ZNF850: variants seen among roughly 807,000 people sequenced by gnomAD.
ZNF850 encodes the protein putative zinc finger protein ENSP00000330994.
Under a neutral mutation model 11.9 loss-of-function variants are expected in ZNF850, and 2 were observed. The ratio of observed to expected loss-of-function variants is 0.17; its 90% CI spans 0.07 to 0.53. The LOEUF is 0.53. Ranked by LOEUF, ZNF850 falls within the 20% of genes least tolerant of loss-of-function variation. The probability of loss-of-function intolerance (pLI) is 0.94; values close to 1 mark genes in which losing one functional copy is unlikely to be tolerated. For missense variants in ZNF850, 1,014 were observed against 1,316.4 expected (o/e 0.77, Z 3.55); for synonymous variants, 381 against 443.0 (o/e 0.86, Z 1.76).
Position 36,748,597 on chromosome 19 carries a change from A to G in ZNF850, c.2443T>C (p.Cys815Arg). The change falls in exon 5 of 5, where the codon TGC becomes CGC. Residue 815 changes from cysteine (C) to arginine (R), a missense_variant. Around this residue, in one of 2 missense-constraint regions of ZNF850, gnomAD observed 835 missense variants for 1,022.0 expected, o/e 0.82. Transcript: ENST00000591344. ...GTAAAAGATTTCCCACATTCCTTGC[A>G]ATGATAAGGTTTCTCACCAGTGTGA... ...PLHTGEKPYH[C>R]KECGKSFTLR... 1 of 1,537,134 alleles carries G rather than the reference A, an allele frequency of 6.5e-7. No homozygotes were observed. Among genetic ancestry groups the G allele is most frequent in the Non-Finnish European group, 8.7e-7 (1 of 1,146,916 alleles).
intron 4 of ZNF850, among the ~76,000 whole-genome samples, chr19:36,755,313 C>T (rs997581890): frequency 6.6e-6 from 1 of 152,130 alleles, no homozygotes; most frequent in Non-Finnish European, 1.5e-5. Context: ...CTGCAACCTC[C>T]ACCTCCCAGG....
rs1294523512 is a variant in ZNF850, at chr19:36,750,705, A to G, written c.335T>C (p.Leu112Pro). Residue 112 changes from leucine (L) to proline (P), a missense_variant, in exon 5 of 5, where the codon CTT becomes CCT. Leu to Pro is a moderately conservative substitution (Grantham distance 98). Coordinates refer to ENST00000591344, the MANE Select transcript of ZNF850 (RefSeq NM_001193552.2). The part of the protein sequence containing the change: ...QWVRMEKCHS[L>P]VGSSVRDDWE... ...GTCATCTCTGACACTGGAGCCCACA[A>G]GGCTATGACATTTTTCCATTCTCAC... 6.5e-7 allele frequency: 1 copy of G among 1,536,126 alleles called. No homozygotes were observed. The highest frequency in any genetic ancestry group is 8.7e-7 in the Non-Finnish European group (1 of 1,146,962).
chr19:36,767,328 G>A (rs1042621314), intron 1 of ZNF850, among the ~76,000 whole-genome samples: 1 of 151,820 alleles, frequency 6.6e-6, no homozygotes, highest in Non-Finnish European at 1.5e-5. Context: ...AGGCTGAGGC[G>A]GGCAGATGAC....
Position 36,750,739 on chromosome 19 carries a change from A to G in ZNF850, c.301T>C (p.Ser101Pro). The stretch of plus-strand genomic sequence containing the variant: ...CATTTTTCCATTCTCACCCACTGAG[A>G]TGATGTTACTTCATAGATTTCTTTT... ...LPKEIYEVTS[S>P]QWVRMEKCHS... is the part of the protein sequence containing the mutation. The change falls in exon 5 of 5, where the codon TCT becomes CCT. Residue 101 changes from serine (S) to proline (P), a missense_variant. Ser to Pro is a moderately conservative substitution (Grantham distance 74). Transcript: ENST00000591344. 1 of 1,534,802 alleles carries G rather than the reference A, an allele frequency of 6.5e-7. No homozygotes were observed. Among genetic ancestry groups the G allele is most frequent in the Non-Finnish European group, 8.7e-7 (1 of 1,146,006 alleles).
At chr19:36,770,703 CAAAAAAA>C (rs567709722) in intron 1 of ZNF850, among the ~76,000 whole-genome samples, 362 of 66,224 alleles carry the variant, frequency 5.5e-3, no homozygotes, top group Non-Finnish European at 9.1e-3. Context: ...GAGACTCCAT[CAAAAAAA>C]AAAAAAAAAA....
intron 4 of ZNF850, among the ~76,000 whole-genome samples, chr19:36,757,377 A>G (rs2040492571): frequency 6.6e-6 from 1 of 152,136 alleles, no homozygotes; most frequent in Non-Finnish European, 1.5e-5. Context: ...ATGTTTTACC[A>G]TAATTATAAA....
chr19:36,762,341 C>T lies in ZNF850; in HGVS notation c.103G>A (p.Val35Ile), dbSNP rs1345425147. Residue 35 changes from valine to isoleucine, a missense_variant, in exon 3 of 5, where the codon GTA becomes ATA. Coordinates refer to ENST00000591344, the MANE Select transcript of ZNF850 (RefSeq NM_001193552.2). ...AGGCTGCTGTAGTTCTCCATCATTA[C>T]ATCTCTGTATAAGTCCTTCTGAGCA... is the stretch of plus-strand genomic sequence containing the variant. ...DAAQKDLYRDVMMENYSSLVS... is the reference protein window; with the variant it reads ...DAAQKDLYRDIMMENYSSLVS... The T allele has an allele frequency of 1.9e-6, 3 of 1,587,218 alleles. No homozygotes were observed. Among genetic ancestry groups the T allele is most frequent in the South Asian group, 1.1e-5 (1 of 88,964 alleles).
intron 1 of ZNF850, among the ~76,000 whole-genome samples, chr19:36,769,341 C>T (rs2040568445): frequency 2.0e-5 from 3 of 151,162 alleles, no homozygotes; most frequent in Non-Finnish European, 4.4e-5. Flanking sequence ...CAGCTCAGGC[C>T]TGTAATCCTA....
At chr19:36,758,940 G>A (rs2040502659) in intron 4 of ZNF850, among the ~76,000 whole-genome samples, 2 of 152,030 alleles carry the variant, frequency 1.3e-5, no homozygotes, top group African/African-American at 4.8e-5. Context: ...AAAATTAGCT[G>A]GGTGTGGTGG....
chr19:36,771,998 ACTCT>A (rs757463418), intron 1 of ZNF850, among the ~76,000 whole-genome samples: 16 of 151,732 alleles, frequency 1.1e-4, no homozygotes, highest in African/African-American at 3.6e-4. Context: ...AGAGCCGCCA[ACTCT>A]CTCTCTTTCT....
chr19:36,757,503 C>CTTTTTTTTTTTTTTTTTT (rs57226971), intron 4 of ZNF850, among the ~76,000 whole-genome samples: 1 of 97,398 alleles, frequency 1.0e-5, no homozygotes, highest in African/African-American at 3.9e-5. Context: ...AATATAGTTT[C>CTTTTTTTTTTTTTTTTTT]TTTTTTTTTT....
chr19:36,751,417 G>C (rs2040453291), intron 4 of ZNF850, among the ~76,000 whole-genome samples: 1 of 151,982 alleles, frequency 6.6e-6, no homozygotes, highest in Admixed American at 6.6e-5. Context: ...AAAAGCTAAG[G>C]AGGCCAGGCA....
chr19:36,751,159 A>C (rs35935605), intron 4 of ZNF850, among the ~76,000 whole-genome samples: 5,992 of 151,484 alleles, frequency 0.04, 153 homozygotes, highest in Non-Finnish European at 0.057. Context: ...ACAGTATTTT[A>C]TCTCTGTGAT....
chr19:36,764,718 C>T (rs2040539246), intron 1 of ZNF850, among the ~76,000 whole-genome samples: 1 of 147,152 alleles, frequency 6.8e-6, no homozygotes, highest in Admixed American at 6.9e-5. Context: ...TCTTTTCTTT[C>T]CTTTCCCTTT....
rs921343086 is a variant in ZNF850, at chr19:36,750,764, T to C, written c.276A>G (p.Pro92=). 6.6e-7 allele frequency: 1 copy of C among 1,525,018 alleles called. No individual in the cohort carries two copies. Among genetic ancestry groups the C allele is most frequent in the Non-Finnish European group, 8.8e-7 (1 of 1,140,818 alleles). 94.5% of individuals were successfully genotyped at this position (1,525,018 alleles called of 1,614,324 possible). A position where few individuals can be genotyped will look rare whatever the true frequency, so the allele number is the denominator to read the frequency against. Residue 92 remains proline, a synonymous_variant, in exon 5 of 5, where the codon CCA becomes CCG. Coordinates refer to ENST00000591344, the MANE Select transcript of ZNF850 (RefSeq NM_001193552.2). Reference sequence around the variant, plus strand: ...ATGATGTTACTTCATAGATTTCTTTTGGCAAACATGAATCTTTGGTCTTAC... The same window carrying C: ...ATGATGTTACTTCATAGATTTCTTTCGGCAAACATGAATCTTTGGTCTTAC... ...FRCKTKDSCL[P]KEIYEVTSSQ...
intron 1 of ZNF850, among the ~76,000 whole-genome samples, chr19:36,771,664 C>T (rs1173407006): frequency 6.6e-6 from 1 of 152,076 alleles, no homozygotes; most frequent in East Asian, 1.9e-4. Context: ...TTCAAAGAGG[C>T]CGCGCTCACA....
In ZNF850 at chr19:36,744,657, G is replaced by A. The variant is rs2040400802; in HGVS notation, c.*3110C>T. ...AAAAGACAACTGTGAACTGTAAAAA[G>A]CACTCCTCCATCTTCACCCTCTCTG... On this transcript the variant is annotated 3_prime_UTR_variant, in exon 5 of 5. Coordinates refer to ENST00000591344, the MANE Select transcript of ZNF850 (RefSeq NM_001193552.2). The A allele has an allele frequency of 6.6e-6, 1 of 151,956 alleles. No homozygotes were observed. Among genetic ancestry groups the A allele is most frequent in the Non-Finnish European group, 1.5e-5 (1 of 68,008 alleles). The allele number at this position is 151,956 out of a possible 1,614,324, so 9.4% of individuals were successfully genotyped here.
At chr19:36,750,967 G>A (rs1311010048) in intron 4 of ZNF850, among the ~76,000 whole-genome samples, 163 bp from the exon 5 acceptor site, 1 of 151,086 alleles carries the variant, frequency 6.6e-6, no homozygotes, top group Non-Finnish European at 1.5e-5. Flanking sequence ...TTGGGAGTCT[G>A]AGACAGGAGG....
At chr19:36,772,094 C>G (rs1469535702) in intron 1 of ZNF850, among the ~76,000 whole-genome samples, 1 of 152,136 alleles carries the variant, frequency 6.6e-6, no homozygotes, top group Non-Finnish European at 1.5e-5. Flanking sequence ...CGTGGAAGCC[C>G]GCTGGTCACA....
Sources: gnomAD v4.1 joint callset for allele counts (sites outside exome capture counted in the v4.1 genomes callset) on GRCh38, gnomAD v4.1.1 for gene constraint, gnomAD v4.1.1 regional missense constraint, MANE v1.5 for transcripts, NCBI Gene and HGNC (gene_info 2026-07-23, HGNC 2026-07-21) for gene names.